Variants in FKBP1B observed in about 807,000 individuals in gnomAD.
FKBP1B encodes FKBP prolyl isomerase 1B.
In FKBP1B, 4 loss-of-function variants were observed where a neutral mutation model predicts 13.5. The observed-to-expected ratio is 0.30, with a 90% CI of 0.15 to 0.68. The LOEUF is 0.68. Among genes scored for constraint, FKBP1B ranks in the 30% least tolerant of loss-of-function variants. FKBP1B has a pLI of 0.76. For missense variants in FKBP1B, 93 were observed against 136.2 expected, an observed-to-expected ratio of 0.68 and a Z score of 1.58; for synonymous variants, 54 against 53.6, an observed-to-expected ratio of 1.01 and a Z score of -0.03.
At chr2:24,046,257 G>A (rs1663622256), upstream of FKBP1B, among the ~76,000 whole-genome samples, 1 of 152,132 alleles carries the variant, frequency 6.6e-6, no homozygotes, top group Non-Finnish European at 1.5e-5. Flanking sequence ...ACTGACATAG[G>A]GTTAATCATT....
Position 24,050,717 on chromosome 2 carries a change from A to G in FKBP1B, c.37+831A>G, listed in dbSNP as rs1225445889. Among the ~76,000 whole-genome samples, 1 of 152,182 alleles carries G rather than the reference A, an allele frequency of 6.6e-6. No homozygotes were observed. Among genetic ancestry groups the G allele is most frequent in the African/African-American group, 2.4e-5 (1 of 41,448 alleles). ...TATTTCTTGAAATTTAATTAATACC[A>G]AAGCCCCCATTGTCTGCAGGGTTTG... is the stretch of plus-strand genomic sequence containing the variant. On this transcript the variant is annotated intron_variant, in intron 1 of 3. Transcript: ENST00000380986. The surrounding 1 kb of genome is among the most constrained non-coding windows in gnomAD (Gnocchi z 5.8).
intron 2 of FKBP1B, among the ~76,000 whole-genome samples, chr2:24,056,328 C>T (rs902009531): frequency 4.6e-5 from 7 of 151,536 alleles, no homozygotes; most frequent in Admixed American, 4.6e-4. Context: ...GCGTTCAGTA[C>T]CATTTCATTG....
chr2:24,059,894 C>CAAAAAAA (rs10679224), intron 2 of FKBP1B, among the ~76,000 whole-genome samples: 2 of 49,804 alleles, frequency 4.0e-5, no homozygotes, highest in Non-Finnish European at 7.1e-5. Flanking sequence ...GACTCCGACT[C>CAAAAAAA]AAAAAAAAAA....
At chr2:24,039,938 C>T in the FKBP1B span, among the ~76,000 whole-genome samples, 2 of 152,042 alleles carry the variant, frequency 1.3e-5, no homozygotes, top group Admixed American at 1.3e-4. Context: ...GCTGGGATTA[C>T]AGGTGCCTGC....
At chr2:24,052,925 A>C (rs1247982022) in intron 1 of FKBP1B, among the ~76,000 whole-genome samples, 1 of 152,052 alleles carries the variant, frequency 6.6e-6, no homozygotes, top group Middle Eastern at 3.2e-3. Context: ...CAGAGCCGAG[A>C]TCATGCTGTT....
chr2:24,054,283 T>C, intron 2 of FKBP1B: 1 of 484,720 alleles, frequency 2.1e-6, no homozygotes, highest in Non-Finnish European at 3.9e-6. Context: ...TGGAAATCCC[T>C]CCTAGAGCTC....
intron 2 of FKBP1B, 47 bp from the exon 3 acceptor site, chr2:24,060,759 ATTGGGAGT>A: frequency 1.6e-6 from 2 of 1,285,544 alleles, no homozygotes; most frequent in African/African-American, 2.9e-5. Flanking sequence ...TGGAATCTGA[ATTGGGAGT>A]TTACTCATGA....
chr2:24,054,064 C>T, intron 2 of FKBP1B, 115 bp downstream of exon 2: 1 of 989,474 alleles, frequency 1.0e-6, no homozygotes, highest in South Asian at 1.3e-5. Context: ...CCCAAGGCAG[C>T]AGGGTCTCCC....
rs763976354 is a variant in FKBP1B at position 24,063,057 on chromosome 2, C to T, written c.199-7C>T. 1.3e-5 allele frequency: 21 copies of T among 1,614,144 alleles called. No individual in the cohort carries two copies. In the Admixed American group the frequency reaches 3.2e-4, roughly 24 times the overall value. On this transcript the variant is annotated splice_polypyrimidine_tract_variant and splice_region_variant and intron_variant, in intron 3 of 3. Coordinates refer to ENST00000380986, the MANE Select transcript of FKBP1B (RefSeq NM_004116.5). ...CTCCTCTCCCCATCTGCCCCCATCC[C>T]TGCTAGATGAGCTTGGGGCAGAGGG...
At chr2:24,035,909 G>A in the FKBP1B span, among the ~76,000 whole-genome samples, 2 of 150,836 alleles carry the variant, frequency 1.3e-5, no homozygotes, top group African/African-American at 4.9e-5. Context: ...CCTCTACTAA[G>A]AATACAAAAA....
intron 3 of FKBP1B, among the ~76,000 whole-genome samples, chr2:24,061,238 GT>G (rs1664380599): frequency 6.6e-6 from 1 of 152,212 alleles, no homozygotes; most frequent in African/African-American, 2.4e-5. Flanking sequence ...GCCGAATGGG[GT>G]GGATCAGTTG....
At chr2:24,049,675 G>T (rs1355796696), upstream of FKBP1B, 4 of 423,124 alleles carry the variant, frequency 9.5e-6, no homozygotes, top group Non-Finnish European at 1.6e-5. Context: ...GCTCCGCCCC[G>T]CCGCCCCCTT....
the FKBP1B span, among the ~76,000 whole-genome samples, chr2:24,036,474 C>T: frequency 1.3e-5 from 2 of 152,116 alleles, no homozygotes; most frequent in African/African-American, 2.4e-5. Flanking sequence ...ACATAGCTGG[C>T]GGGCGTGTGA....
chr2:24,037,212 A>G, the FKBP1B span, among the ~76,000 whole-genome samples: 1 of 152,090 alleles, frequency 6.6e-6, no homozygotes, highest in Non-Finnish European at 1.5e-5. Context: ...TGTTAGAGAC[A>G]GGGTTTCACC....
chr2:24,049,945 G>T, intron 1 of FKBP1B, 59 bp downstream of exon 1: 1 of 1,322,202 alleles, frequency 7.6e-7, no homozygotes. Context: ...AGCCCGGAGG[G>T]CGGGGGTCTG....
the FKBP1B span, among the ~76,000 whole-genome samples, chr2:24,034,605 GCT>G: frequency 7.2e-6 from 1 of 137,946 alleles, no homozygotes; most frequent in African/African-American, 2.7e-5. Flanking sequence ...ACAGAGTCTT[GCT>G]CTGTTTCCCA....
At chr2:24,038,829 C>T in the FKBP1B span, 3 of 1,614,094 alleles carry the variant, frequency 1.9e-6, no homozygotes, top group Non-Finnish European at 2.5e-6. Flanking sequence ...CCAATGGAAG[C>T]TCAGTAGCTA....
the FKBP1B span, among the ~76,000 whole-genome samples, chr2:24,036,081 T>C: frequency 1.4e-5 from 2 of 145,796 alleles, no homozygotes; most frequent in Non-Finnish European, 3.0e-5. Context: ...AATAAATAAA[T>C]AAATAAATAA....
the FKBP1B span, among the ~76,000 whole-genome samples, chr2:24,037,459 T>C: frequency 2.0e-5 from 3 of 152,244 alleles, no homozygotes; most frequent in Non-Finnish European, 4.4e-5. Context: ...GTCATGCACC[T>C]GATAAAATCA....
Sources: gnomAD v4.1 joint callset for allele counts (sites outside exome capture counted in the v4.1 genomes callset) on GRCh38, gnomAD v4.1.1 for gene constraint, Gnocchi (gnomAD v3.1) non-coding constraint, MANE v1.5 for transcripts, NCBI Gene and HGNC (gene_info 2026-07-23, HGNC 2026-07-21) for gene names.